Variants in DISP3 observed in about 807,000 individuals in gnomAD.
The protein encoded by DISP3 is dispatched RND transporter family member 3, also known as protein dispatched homolog 3.
In DISP3, 101 loss-of-function variants were observed where a neutral mutation model predicts 135.3. That is an observed-to-expected ratio of 0.75 (90% confidence interval 0.64 to 0.88). The LOEUF is 0.88. Ranked by LOEUF, DISP3 falls within the 40% of genes least tolerant of loss-of-function variation. DISP3 has a pLI of 0.00. For synonymous variants in DISP3, 856 were observed against 817.0 expected (o/e 1.05, Z -0.81); for missense variants, 1,713 against 1,878.6 (o/e 0.91, Z 1.63).
At chr1:11,514,067 G>A (rs1641931183) in intron 3 of DISP3, among the ~76,000 whole-genome samples, 1 of 152,146 alleles carries the variant, frequency 6.6e-6, no homozygotes, top group Non-Finnish European at 1.5e-5. Context: ...TGGAGAATTG[G>A]AAGATGACAT....
chr1:11,519,550 C>T lies in DISP3; in HGVS notation c.2038+47C>T, dbSNP rs753045796. Reference sequence around the variant, plus strand: ...CCCTACTGACCCCAGTGAGACCCAGCGCTGCCTCTGCCAGGGGAGTAACAC... The same window carrying T: ...CCCTACTGACCCCAGTGAGACCCAGTGCTGCCTCTGCCAGGGGAGTAACAC... On this transcript the variant is annotated intron_variant, in intron 8 of 20. Transcript: ENST00000294484. The surrounding 1 kb of genome is among the most constrained non-coding windows in gnomAD (Gnocchi z 4.3). The T allele has an allele frequency of 2.1e-5, 34 of 1,601,090 alleles. No individual in the cohort carries two copies. The highest frequency in any genetic ancestry group is 1.7e-4 in the Admixed American group (10 of 59,546).
chr1:11,514,651 A>T (rs1262295833), intron 4 of DISP3, 125 bp downstream of exon 4: 15 of 1,288,228 alleles, frequency 1.2e-5, no homozygotes, highest in Non-Finnish European at 1.5e-5. Flanking sequence ...GGACACAGGG[A>T]TATGCACACA....
Position 11,520,558 on chromosome 1 carries a change from C to G in DISP3, c.2201-129C>G. The G allele has an allele frequency of 1.0e-6, 1 of 1,002,964 alleles. No homozygotes were observed. The highest frequency in any genetic ancestry group is 1.7e-5 in the South Asian group (1 of 57,596). 62.1% of individuals were successfully genotyped at this position (1,002,964 alleles called of 1,614,324 possible). ...TTTGCCCACGGGCTGGCATGCAGGGCCTTCCCCCGCACCCTTAGGACACCC... is the reference window on the plus strand; with the variant it reads ...TTTGCCCACGGGCTGGCATGCAGGGGCTTCCCCCGCACCCTTAGGACACCC... On this transcript the variant is annotated intron_variant, in intron 9 of 20. Transcript: ENST00000294484. This position sits in a 1 kb window ranked among gnomAD's most constrained non-coding sequence, Gnocchi z 4.8.
intron 1 of DISP3, among the ~76,000 whole-genome samples, chr1:11,486,232 C>T (rs984573495): frequency 2.6e-5 from 4 of 152,232 alleles, no homozygotes; most frequent in Admixed American, 1.3e-4. Context: ...TGTGTGGGGA[C>T]GCCCAGGTTG....
At position 11,485,183 on chromosome 1, in the gene DISP3, A is replaced by G. The variant is rs529134588; in HGVS notation, c.-4+5811A>G. ...GTGTCTCAGCCAGGCCCCCCACCAC[A>G]GTAGAAGAGGGACCCAGCTGTCCCC... On this transcript the variant is annotated intron_variant, in intron 1 of 20. Coordinates refer to ENST00000294484, the MANE Select transcript of DISP3 (RefSeq NM_020780.2). Among the ~76,000 whole-genome samples the G allele has an allele frequency of 9.9e-5, 15 of 152,166 alleles. No individual in the cohort carries two copies. In the East Asian group the frequency reaches 2.9e-3, roughly 29 times the overall value.
At chr1:11,525,738 G>A (rs74971095) in intron 12 of DISP3, among the ~76,000 whole-genome samples, 4,148 of 152,256 alleles carry the variant, frequency 0.027, 200 homozygotes, top group African/African-American at 0.095. Context: ...CTGCTCCAGC[G>A]CTGCAGAAAG....
At chr1:11,523,435 CAGAG>C (rs1642304528) in intron 10 of DISP3, among the ~76,000 whole-genome samples, 2 of 151,704 alleles carry the variant, frequency 1.3e-5, no homozygotes, top group Non-Finnish European at 2.9e-5. Flanking sequence ...CAGAGTGGCA[CAGAG>C]AGGGTGAGCA....
Position 11,535,102 on chromosome 1 carries a change from G to T in DISP3, c.3627G>T (p.Leu1209=), listed in dbSNP as rs774483134. The change falls in exon 19 of 21, where the codon CTG becomes CTT. Residue 1209 remains leucine (L), a synonymous_variant. Coordinates refer to ENST00000294484, the MANE Select transcript of DISP3 (RefSeq NM_020780.2). ...TCACCACCCACATCCTGCTCCTGCT[G>T]CCCGTGCTCCTCAGCATCTTGGGTA... The part of the protein sequence containing the change: ...AVFTTHILLL[L]PVLLSILGIV... 15 of 1,608,018 alleles carry T rather than the reference G, an allele frequency of 9.3e-6. No homozygotes were observed. The South Asian group carries it at 1.7e-4, about 18-fold the overall frequency.
rs1186158755 is a variant in DISP3 at position 11,520,855 on chromosome 1, C to T, written c.2362+7C>T. The T allele has an allele frequency of 1.2e-5, 19 of 1,590,766 alleles. No homozygotes were observed. The East Asian group carries it at 4.3e-4, about 36-fold the overall frequency. ...TCCTGCATCACCTGTTCAGGTGAGGCTTCTAGCCAGGCTGTCCCTGGCCCG... is the reference window on the plus strand; with the variant it reads ...TCCTGCATCACCTGTTCAGGTGAGGTTTCTAGCCAGGCTGTCCCTGGCCCG... On this transcript the variant is annotated splice_region_variant and intron_variant, in intron 10 of 20. Transcript: ENST00000294484. This position sits in a 1 kb window ranked among gnomAD's most constrained non-coding sequence, Gnocchi z 4.8.
intron 10 of DISP3, among the ~76,000 whole-genome samples, chr1:11,522,869 GAGCCCAGCCA>G (rs1175071055): frequency 5.8e-4 from 55 of 94,622 alleles, no homozygotes; most frequent in East Asian, 1.8e-3. Context: ...GACCCAGCCA[GAGCCCAGCCA>G]GAGCCCAGCC....
rs755609957 is a variant in DISP3 at position 11,536,481 on chromosome 1, A to G, written c.3974A>G (p.Asn1325Ser). The part of the protein sequence containing the change: ...FAKFGKIVAL[N>S]TGVSILYTLT... ...AAGTTCGGCAAGATTGTGGCACTCA[A>G]CACGGGCGTGTCCATCCTCTACACG... is the stretch of plus-strand genomic sequence containing the variant. Residue 1325 changes from asparagine (N) to serine (S), a missense_variant, in exon 21 of 21, where the codon AAC becomes AGC. Coordinates refer to ENST00000294484, the MANE Select transcript of DISP3 (RefSeq NM_020780.2). This position sits in a 1 kb window ranked among gnomAD's most constrained non-coding sequence, Gnocchi z 4.3. 1.2e-6 allele frequency: 2 copies of G among 1,613,384 alleles called. No individual in the cohort carries two copies. The highest frequency in any genetic ancestry group is 1.7e-6 in the Non-Finnish European group (2 of 1,179,916).
intron 7 of DISP3, among the ~76,000 whole-genome samples, chr1:11,518,064 G>A (rs1047881989): frequency 1.3e-5 from 2 of 152,206 alleles, no homozygotes; most frequent in South Asian, 2.1e-4. Context: ...AGTTGAACGG[G>A]TCAGTTCAGA....
intron 7 of DISP3, among the ~76,000 whole-genome samples, chr1:11,518,707 A>G (rs1282052000): frequency 1.3e-5 from 2 of 152,174 alleles, no homozygotes; most frequent in Non-Finnish European, 1.5e-5. Context: ...TCACCTCTGC[A>G]TCTCAGTTTC....
In DISP3 at chr1:11,520,774, A is replaced by T; in HGVS notation, c.2288A>T (p.Asp763Val). 1.2e-6 allele frequency: 2 copies of T among 1,613,552 alleles called. No individual in the cohort carries two copies. Among genetic ancestry groups the T allele is most frequent in the Non-Finnish European group, 1.7e-6 (2 of 1,179,990 alleles). ...ASRAPLLFRP[D>V]TNIQVLLDLK... ...CGGGCCCCGCTACTCTTCCGGCCTG[A>T]TACCAACATCCAGGTGCTGCTGGAC... Residue 763 changes from aspartate to valine, a missense_variant, in exon 10 of 21, where the codon GAT becomes GTT. Physicochemically the swap from Asp to Val is radical, Grantham distance 152. Transcript: ENST00000294484. The surrounding 1 kb of genome is among the most constrained non-coding windows in gnomAD (Gnocchi z 4.8).
In DISP3 at chr1:11,529,188, G is replaced by A. The variant is rs1247633989; in HGVS notation, c.2799-368G>A. On this transcript the variant is annotated intron_variant, in intron 13 of 20. Coordinates refer to ENST00000294484, the MANE Select transcript of DISP3 (RefSeq NM_020780.2). This position sits in a 1 kb window ranked among gnomAD's most constrained non-coding sequence, Gnocchi z 4.7. ...GAGGCAAGGCTGGGGGCTTCTGAGC[G>A]AGGACCACTAGGGTTGGCCCTGGGG... Among the ~76,000 whole-genome samples the A allele has an allele frequency of 1.3e-5, 2 of 152,154 alleles. No homozygotes were observed. Among genetic ancestry groups the A allele is most frequent in the African/African-American group, 2.4e-5 (1 of 41,420 alleles).
At chr1:11,533,913 C>T (rs1387908746) in intron 17 of DISP3, 2 of 713,094 alleles carry the variant, frequency 2.8e-6, no homozygotes, top group Non-Finnish European at 5.2e-6. Flanking sequence ...CCTGCCCTTG[C>T]AATTCACAGT....
chr1:11,482,166 T>G (rs1391588848), intron 1 of DISP3, among the ~76,000 whole-genome samples: 1 of 152,124 alleles, frequency 6.6e-6, no homozygotes, highest in African/African-American at 2.4e-5. Context: ...CCCCTAGTCC[T>G]CAAAGGCGGT....
intron 3 of DISP3, among the ~76,000 whole-genome samples, chr1:11,503,362 G>A (rs1641607882): frequency 6.6e-6 from 1 of 152,208 alleles, no homozygotes; most frequent in South Asian, 2.1e-4. Flanking sequence ...CATACCATCT[G>A]CAAGATGCTG....
rs2100508156 is a variant in DISP3 at position 11,529,124 on chromosome 1, C to T, written c.2799-432C>T. 6.6e-6 allele frequency among the ~76,000 whole-genome samples: 1 copy of T among 152,296 alleles called. No homozygotes were observed. The highest frequency in any genetic ancestry group is 1.9e-4 in the East Asian group (1 of 5,176). On this transcript the variant is annotated intron_variant, in intron 13 of 20. Coordinates refer to ENST00000294484, the MANE Select transcript of DISP3 (RefSeq NM_020780.2). This position sits in a 1 kb window ranked among gnomAD's most constrained non-coding sequence, Gnocchi z 4.7. Reference sequence around the variant, plus strand: ...CCAGCTGTTGACACTGGAGCCCTTCCTTCCTATAGAATCTAGAGACTCCCT... The same window carrying T: ...CCAGCTGTTGACACTGGAGCCCTTCTTTCCTATAGAATCTAGAGACTCCCT...
Sources: allele counts gnomAD v4.1 joint callset (sites outside exome capture counted in the v4.1 genomes callset), GRCh38; gene constraint gnomAD v4.1.1; non-coding constraint Gnocchi (gnomAD v3.1); transcripts MANE v1.5; gene names NCBI Gene and HGNC (gene_info 2026-07-23, HGNC 2026-07-21).